DOCK8: variants seen among roughly 807,000 people sequenced by gnomAD.
The protein encoded by DOCK8 is dedicator of cytokinesis 8, also known as dedicator of cytokinesis protein 8.
DOCK8 carries 141 observed loss-of-function variants against 245.6 expected under a neutral mutation model. The ratio of observed to expected loss-of-function variants is 0.57; its 90% CI spans 0.50 to 0.66. The LOEUF (loss-of-function observed/expected upper bound fraction) is 0.66, where lower values mean the gene tolerates loss of function less well. Among genes scored for constraint, DOCK8 ranks in the 30% least tolerant of loss-of-function variants. The probability of loss-of-function intolerance (pLI) is 0.00; values close to 1 mark genes in which losing one functional copy is unlikely to be tolerated. For missense variants in DOCK8, 2,965 were observed against 2,603.4 expected, an observed-to-expected ratio of 1.14 and a Z score of -3.02; for synonymous variants, 1,168 against 970.2, an observed-to-expected ratio of 1.20 and a Z score of -3.79.
rs2057916419 is a variant in DOCK8, at chr9:464,671, T to C, written c.*452T>C. The C allele has an allele frequency of 9.8e-6, 2 of 203,574 alleles. No homozygotes were observed. The highest frequency in any genetic ancestry group is 4.7e-5 in the African/African-American group (2 of 42,974). 12.6% of individuals were successfully genotyped at this position (203,574 alleles called of 1,614,324 possible). On this transcript the variant is annotated 3_prime_UTR_variant, in exon 48 of 48. Transcript: ENST00000432829. ...TCTTTATAGGAAGGCAGGGCAAACT[T>C]GTAGGAGTACGAAACATTTTCAATA...
chr9:255,243 T>C (rs2047741552), intron 1 of DOCK8, among the ~76,000 whole-genome samples: 1 of 152,226 alleles, frequency 6.6e-6, no homozygotes, highest in African/African-American at 2.4e-5. Context: ...ATCATCCTTA[T>C]AACGATCCTG....
chr9:276,301 A>C (rs964668208), intron 2 of DOCK8, among the ~76,000 whole-genome samples: 1 of 152,208 alleles, frequency 6.6e-6, no homozygotes, highest in African/African-American at 2.4e-5. Flanking sequence ...GTAGTAAGCA[A>C]AGACCACTTA....
At chr9:382,800 C>T in intron 22 of DOCK8, 115 bp downstream of exon 22, 2 of 1,361,960 alleles carry the variant, frequency 1.5e-6, no homozygotes, top group Non-Finnish European at 2.0e-6. Flanking sequence ...TGGTCGGATG[C>T]TTTAATGCTC....
chr9:435,107 C>A, intron 39 of DOCK8, 132 bp downstream of exon 39: 1 of 1,006,932 alleles, frequency 9.9e-7, no homozygotes, highest in Non-Finnish European at 1.5e-6. Context: ...TGAGTAGGTG[C>A]TACTGGCATC....
intron 2 of DOCK8, among the ~76,000 whole-genome samples, chr9:282,338 G>A (rs529277229): frequency 5.3e-5 from 8 of 151,420 alleles, no homozygotes; most frequent in South Asian, 2.1e-4. Context: ...AACAGGGGCC[G>A]TTATCAGCCA....
intron 7 of DOCK8, among the ~76,000 whole-genome samples, chr9:325,126 CTGCAAAAG>C (rs2050701041): frequency 6.5e-5 from 4 of 61,148 alleles, no homozygotes; most frequent in Admixed American, 1.9e-4. Context: ...ATCCAAGTTC[CTGCAAAAG>C]ACATTAATTA....
At chr9:234,433 A>C (rs1336186874) in intron 1 of DOCK8, among the ~76,000 whole-genome samples, 2 of 152,108 alleles carry the variant, frequency 1.3e-5, no homozygotes, top group African/African-American at 2.4e-5. Context: ...TCTGAATTTC[A>C]GTGTTGGCCT....
chr9:341,265 A>G (rs2051576267), intron 14 of DOCK8, among the ~76,000 whole-genome samples: 1 of 152,220 alleles, frequency 6.6e-6, no homozygotes, highest in Admixed American at 6.5e-5. Context: ...AAGGCCTAAC[A>G]GGTTGGGCTG....
chr9:301,034 C>T (rs2049521545), intron 4 of DOCK8, among the ~76,000 whole-genome samples: 1 of 152,136 alleles, frequency 6.6e-6, no homozygotes, highest in Non-Finnish European at 1.5e-5. Context: ...GGGAGAGACA[C>T]AGCAGAAAAG....
At chr9:266,364 G>GGAATGAAT (rs3046373) in intron 1 of DOCK8, among the ~76,000 whole-genome samples, 26,950 of 151,174 alleles carry the variant, frequency 0.18, 2,585 homozygotes, top group East Asian at 0.41. Flanking sequence ...TTCTCAGTGT[G>GGAATGAAT]GAATGAATGA....
intron 8 of DOCK8, among the ~76,000 whole-genome samples, chr9:326,928 A>T (rs10813630): frequency 0.68 from 103,716 of 152,080 alleles, 35,518 homozygotes; most frequent in South Asian, 0.77. Context: ...TAAAATTCTC[A>T]TGGTGATGAA....
chr9:274,736 T>G (rs2048278768), intron 2 of DOCK8, among the ~76,000 whole-genome samples: 1 of 151,940 alleles, frequency 6.6e-6, no homozygotes, highest in African/African-American at 2.4e-5. Flanking sequence ...GGCAAAGGAG[T>G]AGTTTATCAT....
intron 2 of DOCK8, among the ~76,000 whole-genome samples, chr9:281,641 CTGTGTGTGTGTG>C (rs60099453): frequency 1.3e-5 from 2 of 150,690 alleles, no homozygotes. Flanking sequence ...GTTTGTGTGC[CTGTGTGTGTGTG>C]TGTGTGTGTG....
chr9:235,267 C>T (rs989085392), intron 1 of DOCK8, among the ~76,000 whole-genome samples: 2 of 152,264 alleles, frequency 1.3e-5, no homozygotes, highest in East Asian at 3.9e-4. Flanking sequence ...AGTTTTGTGT[C>T]AGAGGAGTAC....
chr9:255,938 A>G (rs548802079), intron 1 of DOCK8, among the ~76,000 whole-genome samples: 2 of 152,308 alleles, frequency 1.3e-5, no homozygotes, highest in Admixed American at 1.3e-4. Context: ...AATTCAGGCC[A>G]TACGATTTCA....
chr9:399,268 C>CGGG lies in DOCK8; in HGVS notation c.3234+9_3234+10insGGG. ...GACATTATTGCAGCCAGGTGAGTGT[C>CGGG]CCCCCCACCCCCACCCCCGAGCGAG... On this transcript the variant is annotated intron_variant, in intron 26 of 47. Transcript: ENST00000432829. 1 of 1,256,940 alleles carries CGGG rather than the reference C, an allele frequency of 8.0e-7. No individual in the cohort carries two copies. The highest frequency in any genetic ancestry group is 4.3e-5 in the East Asian group (1 of 23,276). 77.9% of individuals were successfully genotyped at this position (1,256,940 alleles called of 1,614,324 possible).
At position 376,962 on chromosome 9, in the gene DOCK8, C is replaced by T. The variant is rs2053543484; in HGVS notation, c.2206-15C>T. 3 of 1,611,138 alleles carry T rather than the reference C, an allele frequency of 1.9e-6. No individual in the cohort carries two copies. The highest frequency in any genetic ancestry group is 2.2e-5 in the East Asian group (1 of 44,752). Reference sequence around the variant, plus strand: ...TGGTATAAAACCCCATGAGGCCTGCCTTCTCCCTTCGCAGGACAACCACCT... The same window carrying T: ...TGGTATAAAACCCCATGAGGCCTGCTTTCTCCCTTCGCAGGACAACCACCT... On this transcript the variant is annotated splice_polypyrimidine_tract_variant and intron_variant, in intron 19 of 47. Transcript: ENST00000432829.
intron 3 of DOCK8, among the ~76,000 whole-genome samples, chr9:288,862 G>A (rs184268009): frequency 1.3e-5 from 2 of 152,310 alleles, no homozygotes; most frequent in East Asian, 1.9e-4. Flanking sequence ...AGAAAATTAA[G>A]GCTTGTAGCA....
rs373810616 is a variant in DOCK8 at position 391,821 on chromosome 9, C to CTTTTTTTTTTTTTT, written c.2970+1265_2970+1278dup. 4.8e-4 allele frequency among the ~76,000 whole-genome samples: 56 copies of CTTTTTTTTTTTTTT among 116,266 alleles called. 2 individuals carry two copies. Among genetic ancestry groups the CTTTTTTTTTTTTTT allele is most frequent in the Non-Finnish European group, 2.7e-4 (15 of 55,170 alleles). 76.3% of individuals were successfully genotyped at this position (116,266 alleles called of 152,430 possible). A position where few individuals can be genotyped will look rare whatever the true frequency, so the allele number is the denominator to read the frequency against. On this transcript the variant is annotated intron_variant, in intron 24 of 47. Coordinates refer to ENST00000432829, the MANE Select transcript of DOCK8 (RefSeq NM_203447.4). ...CTTTCCCCTGTCCCATTAAGTGAAT[C>CTTTTTTTTTTTTTT]TTTTTTTTTTTTTTTTTTTTTTTAA...
Sources: allele counts gnomAD v4.1 joint callset (sites outside exome capture counted in the v4.1 genomes callset), GRCh38; gene constraint gnomAD v4.1.1; transcripts MANE v1.5; gene names NCBI Gene and HGNC (gene_info 2026-07-23, HGNC 2026-07-21).